Variants in CHCHD3 observed in about 807,000 individuals in gnomAD.
CHCHD3 encodes the protein MICOS complex subunit MIC19.
CHCHD3 carries 20 observed loss-of-function variants against 38.2 expected under a neutral mutation model. The observed-to-expected ratio is 0.52, with a 90% CI of 0.37 to 0.76. CHCHD3 has a LOEUF of 0.76. CHCHD3 is among the 30% of genes least tolerant of loss of function. CHCHD3 has a pLI of 0.00. For missense variants in CHCHD3, 245 were observed against 279.2 expected (o/e 0.88, Z 0.87); for synonymous variants, 82 against 100.0 (o/e 0.82, Z 1.07).
intron 4 of CHCHD3, among the ~76,000 whole-genome samples, chr7:132,964,753 G>A (rs1006372893): frequency 5.9e-5 from 9 of 152,134 alleles, no homozygotes; most frequent in South Asian, 2.1e-4. Flanking sequence ...ATGACTTGAC[G>A]AAAGTGTACA....
intron 7 of CHCHD3, among the ~76,000 whole-genome samples, chr7:132,786,879 GAA>G (rs1480828668): frequency 6.6e-6 from 1 of 152,238 alleles, no homozygotes; most frequent in African/African-American, 2.4e-5. Flanking sequence ...GTATCTGGTA[GAA>G]AGTAATTTTT....
At position 133,074,722 on chromosome 7, in the gene CHCHD3, T is replaced by G. The variant is rs538954602; in HGVS notation, c.82-4493A>C. Among the ~76,000 whole-genome samples the G allele has an allele frequency of 3.3e-5, 5 of 152,336 alleles. 1 individual carries two copies. Among genetic ancestry groups the G allele is most frequent in the Admixed American group, 3.3e-4 (5 of 15,304 alleles). On this transcript the variant is annotated intron_variant, in intron 1 of 7. Coordinates refer to ENST00000262570, the MANE Select transcript of CHCHD3 (RefSeq NM_017812.4). ...TACATTTTTAGAATCTTAAAGCTAT[T>G]TTAACTGATATATAATATATATAAA...
intron 5 of CHCHD3, among the ~76,000 whole-genome samples, chr7:132,843,192 C>G (rs943429606): frequency 1.3e-5 from 2 of 152,136 alleles, no homozygotes; most frequent in Non-Finnish European, 2.9e-5. Flanking sequence ...GGCACATCCA[C>G]CACACCCAGC....
rs188229420 is a variant in CHCHD3 at position 132,899,101 on chromosome 7, G to A, written c.370-13356C>T. Among the ~76,000 whole-genome samples the A allele has an allele frequency of 5.8e-3, 877 of 152,360 alleles. 6 individuals are homozygous for A. The highest frequency in any genetic ancestry group is 0.02 in the African/African-American group (843 of 41,588). ...GGCTCCTCAAGTGCCACCAAACTGG[G>A]AGCCCAGGCAGAGGAGGCGCCGAGA... On this transcript the variant is annotated intron_variant, in intron 4 of 7. Transcript: ENST00000262570.
intron 4 of CHCHD3, among the ~76,000 whole-genome samples, chr7:132,939,055 T>C (rs764416494): frequency 2.0e-5 from 3 of 152,134 alleles, no homozygotes; most frequent in Non-Finnish European, 4.4e-5. Context: ...GAAGATGGCT[T>C]TACACTTTTA....
intron 4 of CHCHD3, among the ~76,000 whole-genome samples, chr7:132,915,274 T>C (rs899683267): frequency 6.6e-6 from 1 of 151,916 alleles, no homozygotes; most frequent in Non-Finnish European, 1.5e-5. Context: ...TGGGGAAACA[T>C]GGGGTCAGGG....
chr7:132,886,434 TA>T (rs1194977420), intron 4 of CHCHD3, among the ~76,000 whole-genome samples: 1 of 151,842 alleles, frequency 6.6e-6, no homozygotes, highest in African/African-American at 2.4e-5. Flanking sequence ...TACTTACCGA[TA>T]TTTTTCAAGA....
chr7:133,081,753 T>C, intron 1 of CHCHD3, 104 bp downstream of exon 1: 4 of 1,142,518 alleles, frequency 3.5e-6, no homozygotes, highest in Non-Finnish European at 5.1e-6. Context: ...CTTAATACGC[T>C]AGGGTCCAGG....
intron 3 of CHCHD3, among the ~76,000 whole-genome samples, chr7:133,000,291 A>G (rs767892822): frequency 6.6e-6 from 1 of 152,162 alleles, no homozygotes; most frequent in Non-Finnish European, 1.5e-5. Context: ...ATCAGGTAAC[A>G]GTGGTATCTC....
intron 4 of CHCHD3, among the ~76,000 whole-genome samples, chr7:132,913,440 G>A (rs1316815178): frequency 6.6e-6 from 1 of 152,166 alleles, no homozygotes. Flanking sequence ...GTCTGGGTAG[G>A]AATTCATCCA....
intron 5 of CHCHD3, among the ~76,000 whole-genome samples, chr7:132,843,770 C>T (rs1808000729): frequency 6.6e-6 from 1 of 152,180 alleles, no homozygotes. Flanking sequence ...ACTTTAATGT[C>T]ATCTGTTTTC....
chr7:132,809,877 A>AT (rs1807024243), intron 6 of CHCHD3, among the ~76,000 whole-genome samples: 1 of 152,326 alleles, frequency 6.6e-6, no homozygotes, highest in African/African-American at 2.4e-5. Flanking sequence ...AACTAAATTC[A>AT]TTTCAAAAGG....
At chr7:133,075,593 C>A (rs1202091124) in intron 1 of CHCHD3, among the ~76,000 whole-genome samples, 1 of 152,216 alleles carries the variant, frequency 6.6e-6, no homozygotes, top group East Asian at 1.9e-4. Flanking sequence ...CACCTGATCT[C>A]CTCTGTGAAC....
intron 3 of CHCHD3, among the ~76,000 whole-genome samples, chr7:132,999,546 AG>A (rs1812512620): frequency 6.6e-6 from 1 of 152,310 alleles, no homozygotes. Flanking sequence ...GTTTCTATAA[AG>A]GAGGAAAATA....
At chr7:132,861,656 A>G (rs1808493420) in intron 5 of CHCHD3, among the ~76,000 whole-genome samples, 1 of 152,222 alleles carries the variant, frequency 6.6e-6, no homozygotes, top group Admixed American at 6.5e-5. Context: ...TATGGGTCAC[A>G]TGGTCTCTGT....
chr7:132,880,140 A>C (rs1809016121), intron 5 of CHCHD3, among the ~76,000 whole-genome samples: 1 of 152,230 alleles, frequency 6.6e-6, no homozygotes, highest in South Asian at 2.1e-4. Flanking sequence ...CTAATGCTAC[A>C]ATCAGCAGGA....
chr7:133,006,055 A>G (rs1812690180), intron 3 of CHCHD3, among the ~76,000 whole-genome samples: 1 of 152,236 alleles, frequency 6.6e-6, no homozygotes, highest in African/African-American at 2.4e-5. Flanking sequence ...CAGATTTCTT[A>G]AACTATATTA....
chr7:132,972,588 A>C, intron 4 of CHCHD3: 2 of 985,418 alleles, frequency 2.0e-6, no homozygotes, highest in African/African-American at 1.7e-5. Context: ...AATCTGGTAA[A>C]TAAATTGGGA....
intron 4 of CHCHD3, among the ~76,000 whole-genome samples, chr7:132,909,733 A>C (rs938129388): frequency 6.6e-6 from 1 of 152,182 alleles, no homozygotes; most frequent in Non-Finnish European, 1.5e-5. Flanking sequence ...TTTATTTTTT[A>C]ATCAACTACT....
Sources: allele counts gnomAD v4.1 joint callset (sites outside exome capture counted in the v4.1 genomes callset), GRCh38; gene constraint gnomAD v4.1.1; transcripts MANE v1.5; gene names NCBI Gene and HGNC (gene_info 2026-07-23, HGNC 2026-07-21).